Variants in CHST11 observed in about 807,000 individuals in gnomAD.
The protein encoded by CHST11 is carbohydrate sulfotransferase 11.
A neutral mutation model predicts 30.4 loss-of-function variants in CHST11; 9 were observed. The observed-to-expected ratio is 0.30, with a 90% CI of 0.18 to 0.52. The LOEUF is 0.52. CHST11 is among the 20% of genes least tolerant of loss of function. The probability of loss-of-function intolerance (pLI) is 0.97; values close to 1 mark genes in which losing one functional copy is unlikely to be tolerated. For missense variants in CHST11, 348 were observed against 460.6 expected (o/e 0.76, Z 2.24); for synonymous variants, 152 against 187.8 (o/e 0.81, Z 1.56).
At chr12:104,532,291 T>A (rs964778702) in intron 1 of CHST11, among the ~76,000 whole-genome samples, 1 of 152,202 alleles carries the variant, frequency 6.6e-6, no homozygotes, top group Non-Finnish European at 1.5e-5. Flanking sequence ...CTCCAAGGTC[T>A]AGTTCACAGC....
rs1223133223 is a variant in CHST11 at position 104,676,666 on chromosome 12, G to A, written c.204+74675G>A. On this transcript the variant is annotated intron_variant, in intron 2 of 2. Coordinates refer to ENST00000303694, the MANE Select transcript of CHST11 (RefSeq NM_018413.6). The surrounding 1 kb of genome is among the most constrained non-coding windows in gnomAD (Gnocchi z 4.4). Reference sequence around the variant, plus strand: ...CTGACCTTGTGATCGGCCTCCCAAAGTGTTGGGATTACAGGCATGAGCCAC... The same window carrying A: ...CTGACCTTGTGATCGGCCTCCCAAAATGTTGGGATTACAGGCATGAGCCAC... Among the ~76,000 whole-genome samples the A allele has an allele frequency of 6.6e-6, 1 of 152,214 alleles. No homozygotes were observed. Among genetic ancestry groups the A allele is most frequent in the Non-Finnish European group, 1.5e-5 (1 of 68,024 alleles).
At chr12:104,624,076 G>T (rs1435536055) in intron 2 of CHST11, among the ~76,000 whole-genome samples, 1 of 152,206 alleles carries the variant, frequency 6.6e-6, no homozygotes, top group African/African-American at 2.4e-5. Flanking sequence ...TGTGGAAAAT[G>T]AATTGCTGAG....
intron 2 of CHST11, among the ~76,000 whole-genome samples, chr12:104,621,771 A>G (rs2039161305): frequency 6.6e-6 from 1 of 152,248 alleles, no homozygotes; most frequent in Non-Finnish European, 1.5e-5. Flanking sequence ...GACCTTCAGA[A>G]TGGAAGCAGT....
rs544130267 is a variant in CHST11, at chr12:104,709,060, G to C, written c.205-47889G>C. Among the ~76,000 whole-genome samples the C allele has an allele frequency of 2.0e-5, 3 of 152,344 alleles. No individual in the cohort carries two copies. In the South Asian group the frequency reaches 6.2e-4, roughly 32 times the overall value. ...GGCACCCGGGATGAGGAGGAGCAAA[G>C]CACCAAGACCCGGTTTCGGCTTTAC... On this transcript the variant is annotated intron_variant, in intron 2 of 2. Transcript: ENST00000303694.
chr12:104,685,024 C>T (rs968110825), intron 2 of CHST11, among the ~76,000 whole-genome samples: 6 of 152,232 alleles, frequency 3.9e-5, no homozygotes, highest in Non-Finnish European at 2.9e-5. Flanking sequence ...GGCATTCCTC[C>T]AACAAACTCT....
chr12:104,476,437 T>C (rs1352903323), intron 1 of CHST11, among the ~76,000 whole-genome samples: 1 of 152,030 alleles, frequency 6.6e-6, no homozygotes, highest in Non-Finnish European at 1.5e-5. Context: ...TAGCACCGAA[T>C]CATGGGCATT....
At chr12:104,474,587 G>C (rs1435646002) in intron 1 of CHST11, among the ~76,000 whole-genome samples, 1 of 152,204 alleles carries the variant, frequency 6.6e-6, no homozygotes, top group Non-Finnish European at 1.5e-5. Flanking sequence ...CTGCAAATGA[G>C]ATTTGAGGGA....
intron 2 of CHST11, among the ~76,000 whole-genome samples, chr12:104,637,045 G>A (rs2039329226): frequency 6.6e-6 from 1 of 151,886 alleles, no homozygotes; most frequent in Non-Finnish European, 1.5e-5. Context: ...GCTCACACCT[G>A]TAATCCCAGC....
chr12:104,521,795 TG>T (rs1279588393), intron 1 of CHST11, among the ~76,000 whole-genome samples: 1 of 152,246 alleles, frequency 6.6e-6, no homozygotes, highest in Non-Finnish European at 1.5e-5. Flanking sequence ...TTGATTGAAA[TG>T]GGCCTCTTCT....
At chr12:104,660,164 T>A (rs2039585647) in intron 2 of CHST11, among the ~76,000 whole-genome samples, 1 of 152,232 alleles carries the variant, frequency 6.6e-6, no homozygotes, top group Non-Finnish European at 1.5e-5. Context: ...CTAGCCCAGA[T>A]CCTGGCTTTA....
chr12:104,652,017 T>C (rs1379675200), intron 2 of CHST11, among the ~76,000 whole-genome samples: 1 of 152,236 alleles, frequency 6.6e-6, no homozygotes, highest in African/African-American at 2.4e-5. Flanking sequence ...ACAAGGAAGA[T>C]ACTTTTCCTG....
chr12:104,592,974 C>T (rs1352956568), intron 1 of CHST11, among the ~76,000 whole-genome samples: 3 of 152,178 alleles, frequency 2.0e-5, no homozygotes, highest in African/African-American at 7.2e-5. Flanking sequence ...TTAATGTATA[C>T]ACTATATTCT....
intron 1 of CHST11, among the ~76,000 whole-genome samples, chr12:104,483,306 A>G (rs7965021): frequency 0.013 from 1,952 of 152,250 alleles, 47 homozygotes; most frequent in African/African-American, 0.045. Context: ...CCTGGGTTCA[A>G]GAGATTCTTC....
chr12:104,518,441 T>G (rs1014445941), intron 1 of CHST11, among the ~76,000 whole-genome samples: 10 of 152,156 alleles, frequency 6.6e-5, no homozygotes, highest in Non-Finnish European at 1.5e-4. Context: ...ATTCAGAGGT[T>G]GTCAGTTGCC....
At chr12:104,643,448 C>T (rs1297163925) in intron 2 of CHST11, among the ~76,000 whole-genome samples, 1 of 152,114 alleles carries the variant, frequency 6.6e-6, no homozygotes, top group African/African-American at 2.4e-5. Flanking sequence ...GGGGTTCTAC[C>T]CTGTGTTTTC....
chr12:104,594,351 A>G (rs1036562828), intron 1 of CHST11, among the ~76,000 whole-genome samples: 1 of 152,234 alleles, frequency 6.6e-6, no homozygotes, highest in Admixed American at 6.5e-5. Context: ...TCCTTGAAAT[A>G]AAATGAAATC....
At chr12:104,478,857 TG>T (rs1234186428) in intron 1 of CHST11, among the ~76,000 whole-genome samples, 1 of 152,066 alleles carries the variant, frequency 6.6e-6, no homozygotes, top group African/African-American at 2.4e-5. Context: ...TCTGGTCATT[TG>T]GGGGATGAGA....
chr12:104,601,629 T>C (rs1451615894), intron 1 of CHST11, among the ~76,000 whole-genome samples: 3 of 152,244 alleles, frequency 2.0e-5, no homozygotes, highest in Non-Finnish European at 4.4e-5. Context: ...TTCATTTCAA[T>C]GAGCTTTAGA....
At chr12:104,752,977 C>T (rs1430634643) in intron 2 of CHST11, among the ~76,000 whole-genome samples, 1 of 152,172 alleles carries the variant, frequency 6.6e-6, no homozygotes, top group Non-Finnish European at 1.5e-5. Context: ...CCGGGGATAT[C>T]GCTATGGAAA....
Sources: gnomAD v4.1 joint callset for allele counts (sites outside exome capture counted in the v4.1 genomes callset) on GRCh38, gnomAD v4.1.1 for gene constraint, Gnocchi (gnomAD v3.1) non-coding constraint, MANE v1.5 for transcripts, NCBI Gene and HGNC (gene_info 2026-07-23, HGNC 2026-07-21) for gene names.